Variants in PRDM2 observed in about 807,000 individuals in gnomAD.
PRDM2 encodes the protein PR/SET domain 2.
Under a neutral mutation model 130.0 loss-of-function variants are expected in PRDM2, and 30 were observed. The observed-to-expected ratio is 0.23, with a 90% CI of 0.17 to 0.31. The LOEUF is 0.31. PRDM2 is among the 10% of genes least tolerant of loss of function. PRDM2 has a pLI of 1.00. For synonymous variants in PRDM2, 871 were observed against 782.4 expected, an observed-to-expected ratio of 1.11 and a Z score of -1.89; for missense variants, 2,011 against 2,108.4, an observed-to-expected ratio of 0.95 and a Z score of 0.90.
intron 2 of PRDM2, among the ~76,000 whole-genome samples, chr1:13,719,666 TA>T (rs1263649061): frequency 1.3e-5 from 2 of 152,236 alleles, no homozygotes; most frequent in African/African-American, 2.4e-5. Flanking sequence ...CTGTTCTTTT[TA>T]AAAAATGGTG....
chr1:13,807,350 C>T (rs1025433686), intron 8 of PRDM2, among the ~76,000 whole-genome samples: 3 of 152,246 alleles, frequency 2.0e-5, no homozygotes, highest in South Asian at 2.1e-4. Flanking sequence ...TGCCAGCCAG[C>T]GGCTGGGGTG....
chr1:13,742,309 C>G (rs934991188), intron 5 of PRDM2, 152 bp downstream of exon 5: 3 of 866,280 alleles, frequency 3.5e-6, no homozygotes, highest in Non-Finnish European at 5.3e-6. Context: ...TTGGGCGATC[C>G]TCGGACCTCA....
Position 13,729,989 on chromosome 1 carries a change from G to T in PRDM2, c.10-1011G>T, listed in dbSNP as rs1310493006. ...TCTTGGTACATATATTCTTGAAGAC[G>T]ACAAGAGCTTCCTGGTTGTGGGAAA... On this transcript the variant is annotated intron_variant, in intron 2 of 9. Transcript: ENST00000311066. Among the ~76,000 whole-genome samples the T allele has an allele frequency of 2.6e-5, 4 of 152,204 alleles. No individual in the cohort carries two copies. The South Asian group carries it at 6.2e-4, about 24-fold the overall frequency.
At chr1:13,750,186 G>A (rs370772418) in intron 6 of PRDM2, among the ~76,000 whole-genome samples, 39 of 152,108 alleles carry the variant, frequency 2.6e-4, no homozygotes, top group African/African-American at 8.9e-4. Context: ...AAAGGGAGGG[G>A]ATAATTTCTG....
intron 5 of PRDM2, among the ~76,000 whole-genome samples, chr1:13,745,975 T>A (rs1643591827): frequency 6.6e-6 from 1 of 152,218 alleles, no homozygotes. Flanking sequence ...CTGGAATACT[T>A]CTCTAATTTT....
intron 6 of PRDM2, among the ~76,000 whole-genome samples, chr1:13,768,710 C>T (rs1644290840): frequency 6.6e-6 from 1 of 152,306 alleles, no homozygotes; most frequent in South Asian, 2.1e-4. Context: ...GGCTTTACAG[C>T]TACTGTAGTC....
chr1:13,781,639 A>G lies in PRDM2; in HGVS notation c.3844A>G (p.Thr1282Ala). The change falls in exon 8 of 10, where the codon ACA (threonine) becomes GCA (alanine). Residue 1282 changes from threonine to alanine, a missense_variant. Physicochemically the swap from Thr to Ala is moderately conservative, Grantham distance 58. Around this residue, in one of 5 missense-constraint regions of PRDM2, gnomAD observed 229 missense variants for 364.1 expected, o/e 0.63. Coordinates refer to ENST00000311066, the MANE Select transcript of PRDM2 (RefSeq NM_001393986.1). This position sits in a 1 kb window ranked among gnomAD's most constrained non-coding sequence, Gnocchi z 6.1. Reference sequence around the variant, plus strand: ...AAAAATAATGGCTTCTGGAATAAAGACAAAAGATCCAGATGTTCGATTGGG... The same window carrying G: ...AAAAATAATGGCTTCTGGAATAAAGGCAAAAGATCCAGATGTTCGATTGGG... ...TIKIMASGIK[T>A]KDPDVRLGLN... The G allele has an allele frequency of 6.2e-7, 1 of 1,613,918 alleles. No individual in the cohort carries two copies.
In PRDM2 at chr1:13,725,223, G is replaced by T. The variant is rs1388004908; in HGVS notation, c.10-5777G>T. 3.3e-5 allele frequency among the ~76,000 whole-genome samples: 5 copies of T among 152,046 alleles called. No individual in the cohort carries two copies. In the East Asian group the frequency reaches 9.6e-4, roughly 29 times the overall value. ...AGTCCTATGTACTCTATTTATTTTT[G>T]AGAAGGAGTCTTGCTCTATCCCCCG... On this transcript the variant is annotated intron_variant, in intron 2 of 9. Transcript: ENST00000311066.
chr1:13,793,237 C>G (rs1644869459), intron 8 of PRDM2, among the ~76,000 whole-genome samples: 1 of 152,372 alleles, frequency 6.6e-6, no homozygotes, highest in Non-Finnish European at 1.5e-5. Context: ...CTGTGCCCCC[C>G]ACCTGCCACA....
intron 8 of PRDM2, among the ~76,000 whole-genome samples, chr1:13,795,867 G>A (rs1644915205): frequency 2.0e-5 from 3 of 152,152 alleles, no homozygotes. Context: ...CCAAGCCAGG[G>A]TTGACCAGCA....
At chr1:13,728,146 A>T (rs1176568285) in intron 2 of PRDM2, among the ~76,000 whole-genome samples, 1 of 152,190 alleles carries the variant, frequency 6.6e-6, no homozygotes, top group Non-Finnish European at 1.5e-5. Context: ...CTCCTTTTTA[A>T]AAAAAGCTTT....
At chr1:13,787,038 A>G in intron 8 of PRDM2, 1 of 985,272 alleles carries the variant, frequency 1.0e-6, no homozygotes. Flanking sequence ...CTGATCTCTT[A>G]CCCCTGGTAT....
chr1:13,727,125 T>C (rs1366664782), intron 2 of PRDM2, among the ~76,000 whole-genome samples: 1 of 152,186 alleles, frequency 6.6e-6, no homozygotes, highest in Non-Finnish European at 1.5e-5. Flanking sequence ...ATACTGCGTT[T>C]CCTCTTAATT....
chr1:13,745,688 C>T (rs1398758817), intron 5 of PRDM2, among the ~76,000 whole-genome samples: 1 of 152,140 alleles, frequency 6.6e-6, no homozygotes, highest in Non-Finnish European at 1.5e-5. Context: ...TCCCAAAATG[C>T]TGGGATTTAC....
intron 6 of PRDM2, among the ~76,000 whole-genome samples, chr1:13,761,400 T>G: frequency 6.6e-6 from 1 of 152,216 alleles, no homozygotes; most frequent in Non-Finnish European, 1.5e-5. Context: ...AAGGACAGTT[T>G]TCTTAGAAGG....
chr1:13,737,381 A>G (rs1041351367), intron 4 of PRDM2, among the ~76,000 whole-genome samples: 23 of 152,226 alleles, frequency 1.5e-4, no homozygotes, highest in Admixed American at 3.3e-4. Flanking sequence ...AATATTATCT[A>G]TGGCTTCTTT....
chr1:13,749,304 C>G, intron 5 of PRDM2, 57 bp from the exon 6 acceptor site: 1 of 1,341,302 alleles, frequency 7.5e-7, no homozygotes, highest in Non-Finnish European at 9.8e-7. Flanking sequence ...CGCGCCCCGC[C>G]CCCGCCAACA....
intron 4 of PRDM2, among the ~76,000 whole-genome samples, chr1:13,733,480 G>A (rs909110787): frequency 1.3e-5 from 2 of 152,202 alleles, no homozygotes; most frequent in Admixed American, 6.5e-5. Flanking sequence ...GGCTCCACCC[G>A]GGAGGCCTGT....
At chr1:13,710,249 G>A (rs962691575) in intron 1 of PRDM2, among the ~76,000 whole-genome samples, 1 of 152,228 alleles carries the variant, frequency 6.6e-6, no homozygotes. Flanking sequence ...GGGCTGGTAT[G>A]ACCCAGGGAA....
Sources: allele counts gnomAD v4.1 joint callset (sites outside exome capture counted in the v4.1 genomes callset), GRCh38; gene constraint gnomAD v4.1.1; regional missense constraint gnomAD v4.1.1; non-coding constraint Gnocchi (gnomAD v3.1); transcripts MANE v1.5; gene names NCBI Gene and HGNC (gene_info 2026-07-23, HGNC 2026-07-21).